Variants in IFT57 observed in about 807,000 individuals in gnomAD.
IFT57 encodes the protein intraflagellar transport protein 57 homolog.
IFT57 carries 59 observed loss-of-function variants against 56.8 expected under a neutral mutation model. The observed-to-expected ratio is 1.04, with a 90% CI of 0.84 to 1.29. IFT57 has a LOEUF of 1.29. Among genes scored for constraint, IFT57 ranks in the 50% most tolerant of loss-of-function variants. IFT57 has a pLI of 0.00. For missense variants in IFT57, 470 were observed against 522.1 expected (o/e 0.90, Z 0.97); for synonymous variants, 209 against 186.1 (o/e 1.12, Z -1.00).
chr3:108,206,071 T>C (rs1379907170), intron 5 of IFT57, among the ~76,000 whole-genome samples: 2 of 129,296 alleles, frequency 1.5e-5, no homozygotes, highest in East Asian at 2.1e-4. Context: ...TATATAATAA[T>C]ATATTATATA....
intron 5 of IFT57, among the ~76,000 whole-genome samples, chr3:108,199,500 G>C (rs555462891): frequency 2.0e-5 from 3 of 152,280 alleles, no homozygotes; most frequent in Admixed American, 2.0e-4. Flanking sequence ...GAGTCTAGGG[G>C]CTTAAAAAGG....
chr3:108,182,265 A>T (rs2080155210), intron 6 of IFT57, among the ~76,000 whole-genome samples: 1 of 152,036 alleles, frequency 6.6e-6, no homozygotes, highest in Non-Finnish European at 1.5e-5. Flanking sequence ...AGGGGGAAAA[A>T]ATCCTCTATT....
At chr3:108,206,300 T>A (rs574724638) in intron 5 of IFT57, among the ~76,000 whole-genome samples, 3 of 151,470 alleles carry the variant, frequency 2.0e-5, no homozygotes, top group South Asian at 4.1e-4. Context: ...TCATTAAATC[T>A]TGGCCTATTA....
intron 5 of IFT57, among the ~76,000 whole-genome samples, chr3:108,194,262 A>G (rs1364558543): frequency 6.6e-6 from 1 of 152,238 alleles, no homozygotes; most frequent in Non-Finnish European, 1.5e-5. Context: ...CAGCTAAAAT[A>G]AAATACCTAG....
intron 6 of IFT57, among the ~76,000 whole-genome samples, chr3:108,174,631 T>A (rs2080114073): frequency 6.6e-6 from 1 of 151,854 alleles, no homozygotes; most frequent in Admixed American, 6.6e-5. Context: ...TCCTGCTTCA[T>A]TGATGCTGAC....
chr3:108,220,570 AC>A (rs1323125496), intron 1 of IFT57, among the ~76,000 whole-genome samples: 2 of 152,140 alleles, frequency 1.3e-5, no homozygotes, highest in Non-Finnish European at 2.9e-5. Flanking sequence ...CAAAGCACCC[AC>A]CCACCAAAAA....
Position 108,162,667 on chromosome 3 carries a change from A to G in IFT57, c.1112-12T>C, listed in dbSNP as rs755046906. 4.0e-5 allele frequency: 62 copies of G among 1,560,120 alleles called. No individual in the cohort carries two copies. The South Asian group carries it at 6.8e-4, about 17-fold the overall frequency. The stretch of plus-strand genomic sequence containing the variant: ...CTTCACCAAAGGAGCTGCAGAATGA[A>G]AATAACATGAAATAAAAATGTTCAT... On this transcript the variant is annotated splice_polypyrimidine_tract_variant and intron_variant, in intron 10 of 10. Transcript: ENST00000264538.
At chr3:108,172,936 C>A (rs891351671) in intron 6 of IFT57, among the ~76,000 whole-genome samples, 1 of 151,778 alleles carries the variant, frequency 6.6e-6, no homozygotes, top group African/African-American at 2.4e-5. Context: ...ACCTGTGAGG[C>A]AAATCTGAAT....
At chr3:108,176,301 T>G (rs2108311975) in intron 6 of IFT57, among the ~76,000 whole-genome samples, 1 of 151,972 alleles carries the variant, frequency 6.6e-6, no homozygotes, top group African/African-American at 2.4e-5. Flanking sequence ...AAGATCACTC[T>G]AACGTATGAG....
intron 6 of IFT57, among the ~76,000 whole-genome samples, chr3:108,186,952 A>G (rs2080187253): frequency 6.6e-6 from 1 of 152,236 alleles, no homozygotes; most frequent in Non-Finnish European, 1.5e-5. Context: ...AATATAATAC[A>G]TATAACATAC....
rs940560141 is a variant in IFT57 at position 108,161,280 on chromosome 3, T to A, written c.*1197A>T. The A allele has an allele frequency of 6.6e-6, 1 of 151,062 alleles. No homozygotes were observed. Among genetic ancestry groups the A allele is most frequent in the Non-Finnish European group, 1.5e-5 (1 of 67,682 alleles). The allele number at this position is 151,062 out of a possible 1,614,324, so 9.4% of individuals were successfully genotyped here. ...ATATTTGTCATTGTATTGATTGTCA[T>A]CCTTTCAGGTAGTTTACATACACTT... On this transcript the variant is annotated 3_prime_UTR_variant, in exon 11 of 11. Transcript: ENST00000264538.
chr3:108,213,294 G>GTT (rs138603582), intron 4 of IFT57, among the ~76,000 whole-genome samples: 8 of 151,316 alleles, frequency 5.3e-5, no homozygotes, highest in Middle Eastern at 3.4e-3. Flanking sequence ...ATACTATAAA[G>GTT]TTTGTTTTTT....
chr3:108,196,824 T>C (rs933821451), intron 5 of IFT57, among the ~76,000 whole-genome samples: 8 of 152,226 alleles, frequency 5.3e-5, no homozygotes, highest in Non-Finnish European at 1.0e-4. Flanking sequence ...TGTTTGCATA[T>C]CTATTTCATA....
At chr3:108,181,963 A>G (rs1404248081) in intron 6 of IFT57, among the ~76,000 whole-genome samples, 1 of 152,084 alleles carries the variant, frequency 6.6e-6, no homozygotes, top group African/African-American at 2.4e-5. Flanking sequence ...CATTATTCAA[A>G]TAACAGGCAG....
chr3:108,193,380 T>C (rs1412366040), intron 5 of IFT57, among the ~76,000 whole-genome samples: 1 of 152,216 alleles, frequency 6.6e-6, no homozygotes, highest in Non-Finnish European at 1.5e-5. Context: ...CTATACTGCT[T>C]TTTGTTCAGA....
chr3:108,182,261 A>G (rs990998135), intron 6 of IFT57, among the ~76,000 whole-genome samples: 1 of 152,032 alleles, frequency 6.6e-6, no homozygotes. Flanking sequence ...AATGAGGGGG[A>G]AAAAATCCTC....
chr3:108,182,931 T>A (rs1014880881), intron 6 of IFT57, among the ~76,000 whole-genome samples: 4 of 152,118 alleles, frequency 2.6e-5, no homozygotes, highest in Non-Finnish European at 5.9e-5. Context: ...ACTTAAGTCA[T>A]TAATCAAAAT....
chr3:108,213,373 T>A (rs1432826621), intron 4 of IFT57, among the ~76,000 whole-genome samples: 1 of 152,142 alleles, frequency 6.6e-6, no homozygotes, highest in East Asian at 1.9e-4. Context: ...TAATTCTAGT[T>A]CTGAGAATTA....
chr3:108,171,421 A>C lies in IFT57; in HGVS notation c.778-3557T>G, dbSNP rs568505153. ...CCTGATAGTGAGGGTGCTAGAGTAG[A>C]AAACAAATCAGCACTTTCCTTTATC... is the stretch of plus-strand genomic sequence containing the variant. On this transcript the variant is annotated intron_variant, in intron 6 of 10. Transcript: ENST00000264538. 1.4e-4 allele frequency among the ~76,000 whole-genome samples: 22 copies of C among 152,036 alleles called. No individual in the cohort carries two copies. In the South Asian group the frequency reaches 4.6e-3, roughly 31 times the overall value.
Sources: allele counts gnomAD v4.1 joint callset (sites outside exome capture counted in the v4.1 genomes callset), GRCh38; gene constraint gnomAD v4.1.1; transcripts MANE v1.5; gene names NCBI Gene and HGNC (gene_info 2026-07-23, HGNC 2026-07-21).